The following CCL24 variants were observed in gnomAD, a reference collection of about 807,000 sequenced individuals.
CCL24 encodes the protein C-C motif chemokine 24.
In CCL24, 6 loss-of-function variants were observed where a neutral mutation model predicts 8.6. The ratio of observed to expected loss-of-function variants is 0.70; its 90% confidence interval spans 0.38 to 1.38. CCL24 has a LOEUF of 1.38. Among genes scored for constraint, CCL24 ranks in the 40% most tolerant of loss-of-function variants. The pLI is 0.02. For synonymous variants in CCL24, 59 were observed against 52.7 expected (o/e 1.12, Z -0.52); for missense variants, 126 against 147.1 (o/e 0.86, Z 0.74).
Position 75,811,756 on chromosome 7 carries a change from A to G in CCL24, c.*40T>C, listed in dbSNP as rs781840346. 39 of 1,562,082 alleles carry G rather than the reference A, an allele frequency of 2.5e-5. No homozygotes were observed. Among genetic ancestry groups the G allele is most frequent in the Non-Finnish European group, 3.4e-5 (39 of 1,151,780 alleles). On this transcript the variant is annotated 3_prime_UTR_variant, in exon 3 of 3. Coordinates refer to ENST00000222902, the MANE Select transcript of CCL24 (RefSeq NM_002991.3). ...CCAGGCCCCGAGTAGCCCGCCAAGC[A>G]GCTCAGGCCCAAACTCAGGGCTGGA...
At chr7:75,821,793 T>G (rs1804054019) in intron 1 of CCL24, among the ~76,000 whole-genome samples, 1 of 151,672 alleles carries the variant, frequency 6.6e-6, no homozygotes, top group Admixed American at 6.6e-5. Flanking sequence ...CCGGGCGTAG[T>G]GGCGGGCGCC....
intron 1 of CCL24, among the ~76,000 whole-genome samples, chr7:75,819,293 A>C (rs1470747857): frequency 5.5e-5 from 1 of 18,320 alleles, no homozygotes; most frequent in African/African-American, 1.5e-4. Context: ...AAAAAAAAAA[A>C]AAAAAAAAAA....
intron 1 of CCL24, among the ~76,000 whole-genome samples, chr7:75,820,049 CT>C (rs1554534803): frequency 7.2e-6 from 1 of 139,000 alleles, no homozygotes; most frequent in Non-Finnish European, 1.5e-5. Context: ...TCTTCTTCTT[CT>C]TCTTCTTCTT....
chr7:75,820,094 CTT>C (rs879964085), intron 1 of CCL24, among the ~76,000 whole-genome samples: 46 of 130,528 alleles, frequency 3.5e-4, no homozygotes, highest in East Asian at 3.3e-3. Flanking sequence ...TCTTCCTCTT[CTT>C]CTTCTTCTTC....
Position 75,813,399 on chromosome 7 carries a change from C to A in CCL24, c.98G>T (p.Cys33Phe), listed in dbSNP as rs1803816694. 6.2e-7 allele frequency: 1 copy of A among 1,613,130 alleles called. No homozygotes were observed. The highest frequency in any genetic ancestry group is 1.3e-5 in the African/African-American group (1 of 75,030). ...TCTCTTGGAAACAAAGAACATGCAG[C>A]AGGGAGAGGGGATGACCACAGAGCC... ...PTGSVVIPSP[C>F]CMFFVSKRIP... The change falls in exon 2 of 3, where the codon TGC (cysteine) becomes TTC (phenylalanine). Residue 33 changes from cysteine to phenylalanine, a missense_variant. Coordinates refer to ENST00000222902, the MANE Select transcript of CCL24 (RefSeq NM_002991.3).
In CCL24 at chr7:75,813,805, G is replaced by A. The variant is rs1803829621; in HGVS notation, c.-90C>T. On this transcript the variant is annotated 5_prime_UTR_variant, in exon 1 of 3. Coordinates refer to ENST00000222902, the MANE Select transcript of CCL24 (RefSeq NM_002991.3). ...GATAAATAGCTCGGGTCCTTGCAGA[G>A]TACCCCAAACTCCCTCCCTCTGCCC... is the stretch of plus-strand genomic sequence containing the variant. The A allele has an allele frequency of 9.7e-7, 1 of 1,026,788 alleles. No individual in the cohort carries two copies. Among genetic ancestry groups the A allele is most frequent in the Non-Finnish European group, 1.5e-6 (1 of 656,364 alleles). The allele number at this position is 1,026,788 out of a possible 1,614,324, so 63.6% of individuals were successfully genotyped here.
chr7:75,812,868 T>G (rs1803799615), intron 2 of CCL24, among the ~76,000 whole-genome samples: 1 of 151,858 alleles, frequency 6.6e-6, no homozygotes, highest in Admixed American at 6.6e-5. Flanking sequence ...AGGCGGAGGT[T>G]GCAGTGAGCC....
rs782139665 is a variant in CCL24, at chr7:75,811,480, GA to G, written c.*315del. ...GGTGACAGAGCGAGACTCCGTCTCA[GA>G]AAAAAAAAAAAAAGAAAAAGCATCA... On this transcript the variant is annotated 3_prime_UTR_variant, in exon 3 of 3. Coordinates refer to ENST00000222902, the MANE Select transcript of CCL24 (RefSeq NM_002991.3). 1.3e-3 allele frequency among the ~76,000 whole-genome samples: 176 copies of G among 131,362 alleles called. No individual in the cohort carries two copies. The highest frequency in any genetic ancestry group is 1.3e-3 in the Non-Finnish European group (81 of 60,900). The allele number at this position is 131,362 out of a possible 152,430, so 86.2% of individuals were successfully genotyped here.
chr7:75,817,848 T>G (rs1554534374), upstream of CCL24, among the ~76,000 whole-genome samples: 1 of 150,762 alleles, frequency 6.6e-6, no homozygotes, highest in African/African-American at 2.4e-5. Flanking sequence ...TGTTTTGTTT[T>G]CAGACACAGT....
intron 1 of CCL24, among the ~76,000 whole-genome samples, chr7:75,820,101 TTCTTC>T: frequency 8.3e-6 from 1 of 120,764 alleles, no homozygotes; most frequent in African/African-American, 2.8e-5. Context: ...CTTCTTCTTC[TTCTTC>T]CTTCTTCTTC....
intron 1 of CCL24, among the ~76,000 whole-genome samples, chr7:75,819,056 G>T (rs994920275): frequency 6.7e-5 from 10 of 148,396 alleles, no homozygotes; most frequent in Non-Finnish European, 1.0e-4. Context: ...ATCACCTGAG[G>T]TCGGGAGTTT....
chr7:75,815,456 A>G (rs1488932085), upstream of CCL24, among the ~76,000 whole-genome samples: 3 of 152,104 alleles, frequency 2.0e-5, no homozygotes, highest in African/African-American at 7.2e-5. Context: ...AGCCTGCTCA[A>G]CATAGCAAAA....
At chr7:75,817,147 T>C (rs1308777720), upstream of CCL24, among the ~76,000 whole-genome samples, 1 of 152,122 alleles carries the variant, frequency 6.6e-6, no homozygotes, top group Non-Finnish European at 1.5e-5. Context: ...ATTACAGGCA[T>C]GAGCCACTGT....
At chr7:75,820,034 C>T (rs1455417963) in intron 1 of CCL24, among the ~76,000 whole-genome samples, 1 of 132,288 alleles carries the variant, frequency 7.6e-6, no homozygotes, top group South Asian at 2.7e-4. Context: ...TCTTCTTCTT[C>T]TTCTTCTTCT....
Position 75,812,516 on chromosome 7 carries a change from G to T in CCL24, c.192-552C>A, listed in dbSNP as rs4732417. 4.1e-3 allele frequency among the ~76,000 whole-genome samples: 624 copies of T among 152,306 alleles called. 10 individuals are homozygous for T. Among genetic ancestry groups the T allele is most frequent in the Admixed American group, 0.03 (463 of 15,284 alleles). On this transcript the variant is annotated intron_variant, in intron 2 of 2. Coordinates refer to ENST00000222902, the MANE Select transcript of CCL24 (RefSeq NM_002991.3). ...GAGCAAGTTACCTTCCTGAGCCTCA[G>T]CTGTCCTCTGTAAAATGGGAACAAT...
chr7:75,817,506 AT>A (rs35946971), upstream of CCL24, among the ~76,000 whole-genome samples: 8,429 of 143,584 alleles, frequency 0.059, 325 homozygotes, highest in South Asian at 0.13. Context: ...AAAATATCCA[AT>A]TTTTTTTTTT....
At position 75,811,569 on chromosome 7, in the gene CCL24, C is replaced by T. The variant is rs1191188240; in HGVS notation, c.*227G>A. 5 of 437,304 alleles carry T rather than the reference C, an allele frequency of 1.1e-5. No homozygotes were observed. Among genetic ancestry groups the T allele is most frequent in the South Asian group, 4.9e-5 (1 of 20,352 alleles). The allele number at this position is 437,304 out of a possible 1,614,324, so 27.1% of individuals were successfully genotyped here. A position where few individuals can be genotyped will look rare whatever the true frequency, so the allele number is the denominator to read the frequency against. ...GCTCTCCTTCTGGGATCTTCTCACCCAGCTCCAGAAAGGCAAGGGGCCTTG... is the reference window on the plus strand; with the variant it reads ...GCTCTCCTTCTGGGATCTTCTCACCTAGCTCCAGAAAGGCAAGGGGCCTTG... On this transcript the variant is annotated 3_prime_UTR_variant, in exon 3 of 3. Transcript: ENST00000222902.
At chr7:75,818,676 C>T (rs1407322634), upstream of CCL24, among the ~76,000 whole-genome samples, 1 of 122,362 alleles carries the variant, frequency 8.2e-6, no homozygotes, top group Non-Finnish European at 1.7e-5. Flanking sequence ...CTGGCAGGGG[C>T]AGAAACAGCA....
At chr7:75,822,112 G>GA (rs1231865901) in intron 1 of CCL24, among the ~76,000 whole-genome samples, 52 of 151,148 alleles carry the variant, frequency 3.4e-4, no homozygotes, top group Non-Finnish European at 6.9e-4. Context: ...AAAAAAAAAA[G>GA]AAAAAAAATC....
Sources: allele counts gnomAD v4.1 joint callset (sites outside exome capture counted in the v4.1 genomes callset), GRCh38; gene constraint gnomAD v4.1.1; transcripts MANE v1.5; gene names NCBI Gene and HGNC (gene_info 2026-07-23, HGNC 2026-07-21).